The following UNC13A variants were observed in gnomAD, a reference collection of about 807,000 sequenced individuals.
UNC13A encodes unc-13 homolog A.
In UNC13A, 61 loss-of-function variants were observed where a neutral mutation model predicts 219.7. The ratio of observed to expected loss-of-function variants is 0.28; its 90% confidence interval spans 0.23 to 0.34. UNC13A has a LOEUF of 0.34. UNC13A is among the 10% of genes least tolerant of loss of function. The pLI, the probability that UNC13A is intolerant of heterozygous loss-of-function variation, is 1.00. For missense variants in UNC13A, 1,476 were observed against 2,270.3 expected, an observed-to-expected ratio of 0.65 and a Z score of 7.11; for synonymous variants, 920 against 884.6, an observed-to-expected ratio of 1.04 and a Z score of -0.71.
In UNC13A at chr19:17,630,414, C is replaced by A. The variant is rs554050912; in HGVS notation, c.3526-126G>T. The A allele has an allele frequency of 3.5e-6, 5 of 1,442,754 alleles. No homozygotes were observed. The African/African-American group carries it at 7.2e-5, about 21-fold the overall frequency. The allele number at this position is 1,442,754 out of a possible 1,614,324, so 89.4% of individuals were successfully genotyped here. Reference sequence around the variant, plus strand: ...TCCCCGGGGTGAGATGGACAGAGGGCGAGGTAGACTTAGAGTCAACTCTAG... The same window carrying A: ...TCCCCGGGGTGAGATGGACAGAGGGAGAGGTAGACTTAGAGTCAACTCTAG... On this transcript the variant is annotated intron_variant, in intron 29 of 43. Transcript: ENST00000519716.
chr19:17,633,063 C>A, intron 27 of UNC13A, 45 bp downstream of exon 27: 1 of 1,611,070 alleles, frequency 6.2e-7, no homozygotes, highest in Admixed American at 1.7e-5. Context: ...GAGGTACAGC[C>A]ACCTGGTGTG....
intron 28 of UNC13A, 116 bp downstream of exon 28, chr19:17,632,665 CA>C: frequency 6.8e-7 from 1 of 1,479,560 alleles, no homozygotes; most frequent in South Asian, 1.3e-5. Context: ...ATTCAAGCCC[CA>C]CCCATGCCCC....
At chr19:17,631,381 C>T (rs1299366287) in intron 28 of UNC13A, among the ~76,000 whole-genome samples, 3 of 151,254 alleles carry the variant, frequency 2.0e-5, no homozygotes, top group South Asian at 2.1e-4. Context: ...CCACCATGCC[C>T]GGCTAATTTT....
intron 35 of UNC13A, 28 bp from the exon 36 acceptor site, chr19:17,623,575 T>A: frequency 4.3e-6 from 1 of 232,612 alleles, no homozygotes; most frequent in Non-Finnish European, 7.4e-6. Flanking sequence ...GGCGGGGCGG[T>A]GGGGGAGGGG....
At chr19:17,679,430 A>AT (rs2079964318) in intron 1 of UNC13A, among the ~76,000 whole-genome samples, 1 of 151,378 alleles carries the variant, frequency 6.6e-6, no homozygotes, top group Admixed American at 6.6e-5. Context: ...AATAATAATA[A>AT]AAGAGAGAGG....
chr19:17,617,564 C>T (rs1377118354), intron 41 of UNC13A, 138 bp downstream of exon 41: 1 of 1,305,834 alleles, frequency 7.7e-7, no homozygotes, highest in Non-Finnish European at 1.1e-6. Flanking sequence ...GCTCATTGGT[C>T]CCTGGACTTG....
At chr19:17,633,303 G>T in intron 26 of UNC13A, 110 bp from the exon 27 acceptor site, 1 of 1,038,260 alleles carries the variant, frequency 9.6e-7, no homozygotes, top group South Asian at 1.5e-5. Flanking sequence ...AGAGGGATTT[G>T]GGTTCAGGTT....
chr19:17,647,302 G>A lies in UNC13A; in HGVS notation c.2007C>T (p.Asp669=), dbSNP rs375704483. ...TCTTGGCGGACCACTTGGACGTGCC[G>A]TCCAGCACGCTCTGCTTGACCGCCT... ...QMKAVKQSVL[D]GTSKWSAKIS... The change falls in exon 17 of 44, where the codon GAC becomes GAT. Residue 669 remains aspartate (D), a synonymous_variant. Coordinates refer to ENST00000519716, the MANE Select transcript of UNC13A (RefSeq NM_001080421.3). 7 of 1,603,430 alleles carry A rather than the reference G, an allele frequency of 4.4e-6. No individual in the cohort carries two copies. The highest frequency in any genetic ancestry group is 3.4e-5 in the South Asian group (3 of 89,538).
At chr19:17,641,655 T>C (rs2076971575) in intron 20 of UNC13A, 99 bp from the exon 21 acceptor site, 2 of 1,234,020 alleles carry the variant, frequency 1.6e-6, no homozygotes, top group Middle Eastern at 2.0e-4. Flanking sequence ...CATCTGCCTG[T>C]TTATTCATTA....
chr19:17,677,661 C>G (rs768157559), intron 1 of UNC13A, among the ~76,000 whole-genome samples: 2 of 152,148 alleles, frequency 1.3e-5, no homozygotes, highest in East Asian at 3.8e-4. Context: ...GCTGCCACAC[C>G]GGCCCCTTTT....
intron 2 of UNC13A, among the ~76,000 whole-genome samples, chr19:17,675,201 G>A (rs976335448): frequency 2.0e-5 from 3 of 152,002 alleles, no homozygotes; most frequent in Admixed American, 6.6e-5. Flanking sequence ...GGGTGCAGTG[G>A]TGCACGCCTG....
rs564544513 is a variant in UNC13A, at chr19:17,653,441, G to A, written c.1393-764C>T. On this transcript the variant is annotated intron_variant, in intron 11 of 43. Transcript: ENST00000519716. ...CAGCTCACTGCAACCTCCACCTCCT[G>A]GGTTCAAGCGATTCTCCTGCCTCAG... 1.8e-3 allele frequency among the ~76,000 whole-genome samples: 273 copies of A among 151,886 alleles called. 2 individuals carry two copies. Among genetic ancestry groups the A allele is most frequent in the African/African-American group, 6.3e-3 (260 of 41,438 alleles).
intron 40 of UNC13A, 37 bp downstream of exon 40, chr19:17,618,384 T>G (rs765685378): frequency 6.5e-7 from 1 of 1,548,902 alleles, no homozygotes; most frequent in Non-Finnish European, 8.8e-7. Context: ...ACCCTCTACA[T>G]CCCCCACCTG....
Position 17,630,244 on chromosome 19 carries a change from C to A in UNC13A, c.3570G>T (p.Val1190=). The change falls in exon 30 of 44, where the codon GTG becomes GTT. Residue 1190 remains valine (V), a synonymous_variant. Transcript: ENST00000519716. The part of the protein sequence containing the change: ...SEHALFSCSV[V]DVFSQLNQSF... ...TCTGGTTGAGTTGGGAGAAAACATC[C>A]ACCACGGAGCAGGAGAATAGGGCAT... 6.4e-7 allele frequency: 1 copy of A among 1,558,770 alleles called. No individual in the cohort carries two copies. Among genetic ancestry groups the A allele is most frequent in the East Asian group, 2.4e-5 (1 of 41,546 alleles).
chr19:17,609,450 C>T (rs918299974), intron 43 of UNC13A, among the ~76,000 whole-genome samples: 2 of 152,028 alleles, frequency 1.3e-5, no homozygotes, highest in African/African-American at 4.8e-5. Flanking sequence ...TCCCCAGAGC[C>T]GACTCCTCCA....
At chr19:17,670,599 T>C (rs1011426605) in intron 4 of UNC13A, among the ~76,000 whole-genome samples, 2 of 151,436 alleles carry the variant, frequency 1.3e-5, no homozygotes, top group Non-Finnish European at 2.9e-5. Context: ...CTGCATTCAT[T>C]CATTCAAAAA....
At chr19:17,645,222 T>G (rs1028359600) in intron 19 of UNC13A, among the ~76,000 whole-genome samples, 1 of 152,054 alleles carries the variant, frequency 6.6e-6, no homozygotes, top group African/African-American at 2.4e-5. Flanking sequence ...TTAGCCAGGC[T>G]GGTCTCGAAC....
chr19:17,669,746 C>T (rs1180731262), intron 4 of UNC13A, 70 bp from the exon 5 acceptor site: 3 of 1,511,012 alleles, frequency 2.0e-6, no homozygotes, highest in Non-Finnish European at 2.7e-6. Flanking sequence ...CCCCTACTCT[C>T]GCATGAGACA....
chr19:17,625,485 C>T (rs2076772929), intron 34 of UNC13A, among the ~76,000 whole-genome samples: 1 of 152,138 alleles, frequency 6.6e-6, no homozygotes, highest in East Asian at 1.9e-4. Flanking sequence ...CCCACCAATC[C>T]ATCCCTCCCC....
Sources: gnomAD v4.1 joint callset for allele counts (sites outside exome capture counted in the v4.1 genomes callset) on GRCh38, gnomAD v4.1.1 for gene constraint, MANE v1.5 for transcripts, NCBI Gene and HGNC (gene_info 2026-07-23, HGNC 2026-07-21) for gene names.